FEN1: variants seen among roughly 807,000 people sequenced by gnomAD.
FEN1 encodes the protein flap structure-specific endonuclease 1.
Under a neutral mutation model 24.7 loss-of-function variants are expected in FEN1, and 19 were observed. The ratio of observed to expected loss-of-function variants is 0.77; its 90% CI spans 0.54 to 1.13. The LOEUF is 1.13. Ranked by LOEUF, FEN1 falls within the 50% of genes most tolerant of loss-of-function variation. The probability of loss-of-function intolerance (pLI) is 0.00; values close to 1 mark genes in which losing one functional copy is unlikely to be tolerated. For synonymous variants in FEN1, 155 were observed against 189.2 expected, an observed-to-expected ratio of 0.82 and a Z score of 1.48; for missense variants, 339 against 488.7, an observed-to-expected ratio of 0.69 and a Z score of 2.89.
chr11:61,794,708 A>C (rs2066810088), intron 1 of FEN1, among the ~76,000 whole-genome samples: 1 of 152,182 alleles, frequency 6.6e-6, no homozygotes, highest in Non-Finnish European at 1.5e-5. Context: ...CATGGAGTTA[A>C]CATTTCAGAC....
rs766728314 is a variant in FEN1, at chr11:61,795,674, G to T, written c.313G>T (p.Ala105Ser). Residue 105 changes from alanine to serine, a missense_variant, in exon 2 of 2, where the codon GCT (alanine) becomes TCT (serine). This residue lies in a region of FEN1 where 216 missense variants were observed against 329.7 expected (regional missense o/e 0.66). Transcript: ENST00000305885. The surrounding 1 kb of genome is among the most constrained non-coding windows in gnomAD (Gnocchi z 4.1). ...GELAKRSERR[A>S]EAEKQLQQAQ... ...GCTGGCCAAACGCAGTGAGCGGCGG[G>T]CTGAGGCAGAGAAGCAGCTGCAGCA... 3.1e-6 allele frequency: 5 copies of T among 1,613,900 alleles called. No homozygotes were observed. The highest frequency in any genetic ancestry group is 4.2e-6 in the Non-Finnish European group (5 of 1,180,012).
chr11:61,796,616 C>G lies in FEN1; in HGVS notation c.*112C>G, dbSNP rs898152533. On this transcript the variant is annotated 3_prime_UTR_variant, in exon 2 of 2. Transcript: ENST00000305885. Reference sequence around the variant, plus strand: ...GTGGAGAGAGGATTCTAAGGCTTTTCTAGCGTGACCCTTTTCAGTAGTGCT... The same window carrying G: ...GTGGAGAGAGGATTCTAAGGCTTTTGTAGCGTGACCCTTTTCAGTAGTGCT... 1 of 1,197,334 alleles carries G rather than the reference C, an allele frequency of 8.4e-7. No individual in the cohort carries two copies. The highest frequency in any genetic ancestry group is 1.5e-5 in the African/African-American group (1 of 64,670). 74.2% of individuals were successfully genotyped at this position (1,197,334 alleles called of 1,614,324 possible).
intron 1 of FEN1, among the ~76,000 whole-genome samples, chr11:61,793,537 T>C (rs2066801931): frequency 6.6e-6 from 1 of 152,240 alleles, no homozygotes; most frequent in Admixed American, 6.5e-5. Context: ...CCTCAGTGGC[T>C]TGGTAATGTC....
chr11:61,794,427 TA>T (rs901277767), intron 1 of FEN1, among the ~76,000 whole-genome samples: 15 of 152,192 alleles, frequency 9.9e-5, no homozygotes, highest in Middle Eastern at 6.8e-3. Flanking sequence ...TTGCACCCCC[TA>T]AAAATCCTTT....
At position 61,796,170 on chromosome 11, in the gene FEN1, T is replaced by C; in HGVS notation, c.809T>C (p.Val270Ala). 1 of 1,613,998 alleles carries C rather than the reference T, an allele frequency of 6.2e-7. No individual in the cohort carries two copies. The highest frequency in any genetic ancestry group is 1.1e-5 in the South Asian group (1 of 91,068). ...VRRLDPNKYP[V>A]PENWLHKEAH... ...CGACTTGACCCCAACAAGTACCCTG[T>C]GCCAGAAAATTGGCTCCACAAGGAG... is the stretch of plus-strand genomic sequence containing the variant. The change falls in exon 2 of 2, where the codon GTG becomes GCG. Residue 270 changes from valine (V) to alanine (A), a missense_variant. This residue lies in a region of FEN1 where 70 missense variants were observed against 64.9 expected (regional missense o/e 1.08). Coordinates refer to ENST00000305885, the MANE Select transcript of FEN1 (RefSeq NM_004111.6).
chr11:61,795,835 G>A lies in FEN1; in HGVS notation c.474G>A (p.Glu158=). ...TCCCTTATCTTGATGCACCCAGTGA[G>A]GCAGAGGCCAGCTGTGCTGCCCTGG... ...MGIPYLDAPS[E]AEASCAALVK... Residue 158 remains glutamate, a synonymous_variant, in exon 2 of 2, where the codon GAG becomes GAA. Transcript: ENST00000305885. This position sits in a 1 kb window ranked among gnomAD's most constrained non-coding sequence, Gnocchi z 4.1. 2 of 1,613,892 alleles carry A rather than the reference G, an allele frequency of 1.2e-6. No homozygotes were observed. The highest frequency in any genetic ancestry group is 8.5e-7 in the Non-Finnish European group (1 of 1,180,036).
chr11:61,795,916 C>A lies in FEN1; in HGVS notation c.555C>A (p.Phe185Leu). Residue 185 changes from phenylalanine to leucine, a missense_variant, in exon 2 of 2, where the codon TTC (phenylalanine) becomes TTA (leucine). Around this residue, in one of 3 missense-constraint regions of FEN1, gnomAD observed 216 missense variants for 329.7 expected, o/e 0.66. Coordinates refer to ENST00000305885, the MANE Select transcript of FEN1 (RefSeq NM_004111.6). This position sits in a 1 kb window ranked among gnomAD's most constrained non-coding sequence, Gnocchi z 4.1. ...AATEDMDCLT[F>L]GSPVLMRHLT... Reference sequence around the variant, plus strand: ...CCGAGGACATGGACTGCCTCACCTTCGGCAGCCCTGTGCTAATGCGACACC... The same window carrying A: ...CCGAGGACATGGACTGCCTCACCTTAGGCAGCCCTGTGCTAATGCGACACC... 6.2e-7 allele frequency: 1 copy of A among 1,614,046 alleles called. No individual in the cohort carries two copies. The highest frequency in any genetic ancestry group is 8.5e-7 in the Non-Finnish European group (1 of 1,180,044).
In FEN1 at chr11:61,792,966, C is replaced by T. The variant is rs969916975; in HGVS notation, c.-84C>T. 9.5e-6 allele frequency: 2 copies of T among 209,948 alleles called. No individual in the cohort carries two copies. Among genetic ancestry groups the T allele is most frequent in the Admixed American group, 5.5e-5 (1 of 18,180 alleles). 13.0% of individuals were successfully genotyped at this position (209,948 alleles called of 1,614,324 possible). On this transcript the variant is annotated 5_prime_UTR_variant, in exon 1 of 2. Coordinates refer to ENST00000305885, the MANE Select transcript of FEN1 (RefSeq NM_004111.6). ...TGAGAAGGGAGAGCGAGCTTAGGAC[C>T]GCCTGCCCGGGGCAACCCCGAACCA... is the stretch of plus-strand genomic sequence containing the variant.
intron 1 of FEN1, among the ~76,000 whole-genome samples, chr11:61,793,545 G>A (rs941753294): frequency 2.0e-5 from 3 of 152,220 alleles, no homozygotes; most frequent in African/African-American, 4.8e-5. Context: ...GCTTGGTAAT[G>A]TCACACGGAT....
rs1351558940 is a variant in FEN1, at chr11:61,795,629, C to T, written c.268C>T (p.Pro90Ser). ...KPVYVFDGKPPQLKSGELAKR... is the reference protein window; with the variant it reads ...KPVYVFDGKPSQLKSGELAKR... ...CGTGTATGTCTTTGATGGCAAGCCG[C>T]CACAGCTCAAGTCAGGCGAGCTGGC... is the stretch of plus-strand genomic sequence containing the variant. Residue 90 changes from proline (P) to serine (S), a missense_variant, in exon 2 of 2, where the codon CCA (proline) becomes TCA (serine). By Grantham distance (74) the Pro-to-Ser change is moderately conservative (BLOSUM62 -1). Coordinates refer to ENST00000305885, the MANE Select transcript of FEN1 (RefSeq NM_004111.6). The surrounding 1 kb of genome is among the most constrained non-coding windows in gnomAD (Gnocchi z 4.1). 9.3e-6 allele frequency: 15 copies of T among 1,614,146 alleles called. No individual in the cohort carries two copies. Among genetic ancestry groups the T allele is most frequent in the Non-Finnish European group, 1.1e-5 (13 of 1,180,042 alleles).
chr11:61,794,524 TAA>T (rs1418297764), intron 1 of FEN1, among the ~76,000 whole-genome samples: 1 of 152,038 alleles, frequency 6.6e-6, no homozygotes, highest in Non-Finnish European at 1.5e-5. Context: ...TTTAGTTTTT[TAA>T]AAAAAATTCT....
chr11:61,794,230 G>A (rs998201459), intron 1 of FEN1, among the ~76,000 whole-genome samples: 3 of 152,208 alleles, frequency 2.0e-5, no homozygotes, highest in Admixed American at 6.5e-5. Flanking sequence ...AGGCTGGAGT[G>A]CAGCGGCACA....
Position 61,796,451 on chromosome 11 carries a change from A to G in FEN1, c.1090A>G (p.Thr364Ala). The G allele has an allele frequency of 6.2e-7, 1 of 1,612,884 alleles. No homozygotes were observed. The highest frequency in any genetic ancestry group is 1.1e-5 in the South Asian group (1 of 91,024). The change falls in exon 2 of 2, where the codon ACT becomes GCT. Residue 364 changes from threonine (T) to alanine (A), a missense_variant. Around this residue, in one of 3 missense-constraint regions of FEN1, gnomAD observed 53 missense variants for 94.1 expected, o/e 0.56. Coordinates refer to ENST00000305885, the MANE Select transcript of FEN1 (RefSeq NM_004111.6). Reference sequence around the variant, plus strand: ...CAAGGAGCCAGAACCCAAGGGATCCACTAAGAAGAAGGCAAAGACTGGGGC... The same window carrying G: ...CAAGGAGCCAGAACCCAAGGGATCCGCTAAGAAGAAGGCAAAGACTGGGGC... ...KRKEPEPKGS[T>A]KKKAKTGAAG...
At position 61,795,117 on chromosome 11, in the gene FEN1, G is replaced by T. The variant is rs192324926; in HGVS notation, c.-21-224G>T. Among the ~76,000 whole-genome samples, 1 of 152,108 alleles carries T rather than the reference G, an allele frequency of 6.6e-6. No homozygotes were observed. Among genetic ancestry groups the T allele is most frequent in the Non-Finnish European group, 1.5e-5 (1 of 68,018 alleles). On this transcript the variant is annotated intron_variant, in intron 1 of 1. Transcript: ENST00000305885. This position sits in a 1 kb window ranked among gnomAD's most constrained non-coding sequence, Gnocchi z 4.1. Reference sequence around the variant, plus strand: ...AACAGTATCTTATTTCTCTAAGCACGTGGTTCAATTTCTGGTACTCGTTGA... The same window carrying T: ...AACAGTATCTTATTTCTCTAAGCACTTGGTTCAATTTCTGGTACTCGTTGA...
chr11:61,796,524 C>T lies in FEN1; in HGVS notation c.*20C>T. The T allele has an allele frequency of 6.4e-7, 1 of 1,574,564 alleles. No individual in the cohort carries two copies. The highest frequency in any genetic ancestry group is 8.6e-7 in the Non-Finnish European group (1 of 1,160,846). On this transcript the variant is annotated 3_prime_UTR_variant, in exon 2 of 2. Coordinates refer to ENST00000305885, the MANE Select transcript of FEN1 (RefSeq NM_004111.6). ...AAATAAATGTGTTTCCCCATTATAC[C>T]TCCTTCACCCCAGAATATTTGCCGT...
chr11:61,793,816 A>G (rs695867), intron 1 of FEN1, among the ~76,000 whole-genome samples: 3,907 of 152,310 alleles, frequency 0.026, 90 homozygotes, highest in Non-Finnish European at 0.037. Flanking sequence ...AACATGAAAG[A>G]TCGTGATGCC....
rs770679611 is a variant in FEN1 at position 61,795,605 on chromosome 11, G to C, written c.244G>C (p.Val82Leu). ...CATGATGGAGAACGGCATCAAGCCCGTGTATGTCTTTGATGGCAAGCCGCC... is the reference window on the plus strand; with the variant it reads ...CATGATGGAGAACGGCATCAAGCCCCTGTATGTCTTTGATGGCAAGCCGCC... ...IRMMENGIKPVYVFDGKPPQL... is the reference protein window; with the variant it reads ...IRMMENGIKPLYVFDGKPPQL... The change falls in exon 2 of 2, where the codon GTG (valine) becomes CTG (leucine). Residue 82 changes from valine (V) to leucine (L), a missense_variant. Val to Leu is a conservative substitution (Grantham distance 32, BLOSUM62 1). This residue lies in a region of FEN1 where 216 missense variants were observed against 329.7 expected (regional missense o/e 0.66). Coordinates refer to ENST00000305885, the MANE Select transcript of FEN1 (RefSeq NM_004111.6). This position sits in a 1 kb window ranked among gnomAD's most constrained non-coding sequence, Gnocchi z 4.1. The C allele has an allele frequency of 1.9e-6, 3 of 1,614,046 alleles. No homozygotes were observed. The highest frequency in any genetic ancestry group is 3.3e-5 in the Admixed American group (2 of 60,010).
At chr11:61,793,447 C>G (rs965640119) in intron 1 of FEN1, among the ~76,000 whole-genome samples, 3 of 152,160 alleles carry the variant, frequency 2.0e-5, no homozygotes, top group Non-Finnish European at 4.4e-5. Context: ...AGGTTTCTGT[C>G]TGTTGTCTCA....
chr11:61,795,217 T>A lies in FEN1; in HGVS notation c.-21-124T>A, dbSNP rs1413505006. The A allele has an allele frequency of 1.3e-6, 1 of 771,394 alleles. No homozygotes were observed. The highest frequency in any genetic ancestry group is 2.8e-5 in the East Asian group (1 of 35,772). The allele number at this position is 771,394 out of a possible 1,614,324, so 47.8% of individuals were successfully genotyped here. On this transcript the variant is annotated intron_variant, in intron 1 of 1. Transcript: ENST00000305885. This position sits in a 1 kb window ranked among gnomAD's most constrained non-coding sequence, Gnocchi z 4.1. ...GGGACCTTGTTCATCTTTTTATCTT[T>A]AGCAGTGCTGACATGGTGTCCTTTT...
Sources: gnomAD v4.1 joint callset for allele counts (sites outside exome capture counted in the v4.1 genomes callset) on GRCh38, gnomAD v4.1.1 for gene constraint, gnomAD v4.1.1 regional missense constraint, Gnocchi (gnomAD v3.1) non-coding constraint, MANE v1.5 for transcripts, NCBI Gene and HGNC (gene_info 2026-07-23, HGNC 2026-07-21) for gene names.